Variants in CNTNAP2 observed in about 807,000 individuals in gnomAD.
CNTNAP2 encodes contactin-associated protein-like 2.
In CNTNAP2, 98 loss-of-function variants were observed where a neutral mutation model predicts 155.2. That is an observed-to-expected ratio of 0.63 (90% CI 0.54 to 0.75). The LOEUF is 0.75. CNTNAP2 is among the 30% of genes least tolerant of loss of function. The pLI, the probability that CNTNAP2 is intolerant of heterozygous loss-of-function variation, is 0.00. For synonymous variants in CNTNAP2, 651 were observed against 631.2 expected, an observed-to-expected ratio of 1.03 and a Z score of -0.47; for missense variants, 1,727 against 1,688.1, an observed-to-expected ratio of 1.02 and a Z score of -0.40.
At chr7:146,129,282 A>G (rs1797680938) in intron 1 of CNTNAP2, among the ~76,000 whole-genome samples, 1 of 152,162 alleles carries the variant, frequency 6.6e-6, no homozygotes, top group Non-Finnish European at 1.5e-5. Context: ...TAAAAATGAC[A>G]TTGTTTCTTT....
intron 15 of CNTNAP2, among the ~76,000 whole-genome samples, chr7:148,020,530 C>T (rs547227966): frequency 2.0e-4 from 31 of 152,148 alleles, no homozygotes; most frequent in South Asian, 4.1e-4. Context: ...TTTGAGAATT[C>T]GTATTAATTT....
At chr7:148,221,848 C>T (rs1337542931) in intron 19 of CNTNAP2, among the ~76,000 whole-genome samples, 1 of 152,206 alleles carries the variant, frequency 6.6e-6, no homozygotes, top group East Asian at 1.9e-4. Context: ...CAAACAAGTC[C>T]TGTGAATTGA....
intron 1 of CNTNAP2, among the ~76,000 whole-genome samples, chr7:146,495,974 T>C (rs778593173): frequency 1.3e-5 from 2 of 152,100 alleles, no homozygotes; most frequent in Non-Finnish European, 2.9e-5. Flanking sequence ...TTAGGACGGA[T>C]TGTGGAGTGA....
chr7:147,889,737 C>T (rs1799656652), intron 13 of CNTNAP2, among the ~76,000 whole-genome samples: 1 of 152,084 alleles, frequency 6.6e-6, no homozygotes, highest in South Asian at 2.1e-4. Context: ...AATATGGTAG[C>T]CATTAGCACA....
intron 3 of CNTNAP2, among the ~76,000 whole-genome samples, chr7:146,961,337 GGA>G (rs1797555341): frequency 6.6e-6 from 1 of 152,110 alleles, no homozygotes; most frequent in African/African-American, 2.4e-5. Context: ...CCACATGTAG[GGA>G]CCTAAATAAC....
At chr7:148,155,140 C>A (rs1805374537) in intron 17 of CNTNAP2, among the ~76,000 whole-genome samples, 1 of 152,096 alleles carries the variant, frequency 6.6e-6, no homozygotes, top group African/African-American at 2.4e-5. Flanking sequence ...ATTGCTAATT[C>A]TTGTTTTATT....
intron 1 of CNTNAP2, among the ~76,000 whole-genome samples, chr7:146,269,137 C>T (rs6951392): frequency 5.3e-5 from 8 of 152,074 alleles, no homozygotes; most frequent in East Asian, 3.9e-4. Flanking sequence ...GTCAGGAGAT[C>T]GAGACAATCC....
rs1563101775 is a variant in CNTNAP2, at chr7:146,483,318, TATATATATATAC to T, written c.98-290941_98-290930del. Among the ~76,000 whole-genome samples the T allele has an allele frequency of 1.1e-3, 101 of 88,968 alleles. 1 individual carries two copies. The highest frequency in any genetic ancestry group is 5.3e-3 in the African/African-American group (94 of 17,600). The allele number at this position is 88,968 out of a possible 152,430, so 58.4% of individuals were successfully genotyped here. Reference sequence around the variant, plus strand: ...ATATATATATATATATATATATATATATATATATATACATATATATATATTTAAGCACAGAGT... The same window carrying T: ...ATATATATATATATATATATATATATATATATATATATTTAAGCACAGAGT... On this transcript the variant is annotated intron_variant, in intron 1 of 23. Coordinates refer to ENST00000361727, the MANE Select transcript of CNTNAP2 (RefSeq NM_014141.6).
chr7:148,314,173 T>C (rs1442093426), intron 21 of CNTNAP2, among the ~76,000 whole-genome samples: 1 of 151,928 alleles, frequency 6.6e-6, no homozygotes, highest in African/African-American at 2.4e-5. Flanking sequence ...TTAGAAAGAC[T>C]CAGCGACACT....
At chr7:146,823,344 T>G (rs371542923) in intron 2 of CNTNAP2, among the ~76,000 whole-genome samples, 29 of 144,396 alleles carry the variant, frequency 2.0e-4, no homozygotes, top group Middle Eastern at 0.011. Context: ...TATTTCCATG[T>G]AAATATACTC....
chr7:147,461,951 T>C (rs190782897), intron 10 of CNTNAP2, among the ~76,000 whole-genome samples: 155 of 152,346 alleles, frequency 1.0e-3, no homozygotes, highest in African/African-American at 3.7e-3. Context: ...ATTTGTCATA[T>C]ATAAAAATAA....
At chr7:146,360,950 G>A (rs1380539918) in intron 1 of CNTNAP2, among the ~76,000 whole-genome samples, 3 of 152,084 alleles carry the variant, frequency 2.0e-5, no homozygotes, top group Non-Finnish European at 4.4e-5. Flanking sequence ...ACACTTGTCA[G>A]GTGCATTCAT....
intron 13 of CNTNAP2, among the ~76,000 whole-genome samples, chr7:147,892,314 TATAATAGATAGAGGTTGGA>T (rs1330569226): frequency 2.6e-5 from 4 of 152,216 alleles, no homozygotes; most frequent in Non-Finnish European, 5.9e-5. Context: ...GACATATTTT[TATAATAGATAGAGGTTGGA>T]AAGGAACAAC....
At chr7:147,731,570 T>C (rs1188916034) in intron 13 of CNTNAP2, among the ~76,000 whole-genome samples, 1 of 152,108 alleles carries the variant, frequency 6.6e-6, no homozygotes, top group Middle Eastern at 3.2e-3. Flanking sequence ...GATGGAGATA[T>C]ACAAGAAGAT....
chr7:146,617,410 T>A (rs539663499), intron 1 of CNTNAP2, among the ~76,000 whole-genome samples: 6 of 152,346 alleles, frequency 3.9e-5, no homozygotes, highest in African/African-American at 1.4e-4. Flanking sequence ...TCTCAGACTG[T>A]TATTTGAAAC....
intron 1 of CNTNAP2, among the ~76,000 whole-genome samples, chr7:146,155,573 A>G (rs1395778279): frequency 2.0e-5 from 3 of 152,090 alleles, no homozygotes; most frequent in African/African-American, 7.2e-5. Flanking sequence ...CACTTGGAAT[A>G]TGCAATGAGG....
chr7:147,604,905 T>G (rs368120223), intron 12 of CNTNAP2, among the ~76,000 whole-genome samples: 11 of 152,194 alleles, frequency 7.2e-5, no homozygotes, highest in Admixed American at 5.2e-4. Flanking sequence ...GCAATAGACA[T>G]CATATTATTC....
intron 1 of CNTNAP2, among the ~76,000 whole-genome samples, chr7:146,767,933 G>C (rs1802226293): frequency 6.6e-6 from 1 of 152,038 alleles, no homozygotes; most frequent in African/African-American, 2.4e-5. Context: ...GGAGCATGCT[G>C]CTACCTCTGA....
At chr7:148,369,247 G>A (rs952825158) in intron 21 of CNTNAP2, among the ~76,000 whole-genome samples, 7 of 119,444 alleles carry the variant, frequency 5.9e-5, no homozygotes, top group Admixed American at 2.3e-4. Flanking sequence ...TGCCCAGGCT[G>A]GAACGCAGTG....
Sources: allele counts gnomAD v4.1 joint callset (sites outside exome capture counted in the v4.1 genomes callset), GRCh38; gene constraint gnomAD v4.1.1; transcripts MANE v1.5; gene names NCBI Gene and HGNC (gene_info 2026-07-23, HGNC 2026-07-21).